FYCO1: variants seen among roughly 807,000 people sequenced by gnomAD.
FYCO1 encodes the protein FYVE and coiled-coil domain autophagy adaptor 1, also known as FYVE and coiled-coil domain-containing protein 1.
Under a neutral mutation model 165.1 loss-of-function variants are expected in FYCO1, and 122 were observed. The observed-to-expected ratio is 0.74, with a 90% CI of 0.64 to 0.86. FYCO1 has a LOEUF of 0.86. Among genes scored for constraint, FYCO1 ranks in the 40% least tolerant of loss-of-function variants. The pLI is 0.00. For synonymous variants in FYCO1, 648 were observed against 742.5 expected (o/e 0.87, Z 2.07); for missense variants, 1,702 against 1,810.3 (o/e 0.94, Z 1.09).
chr3:45,978,293 C>T (rs1413888743), intron 4 of FYCO1, among the ~76,000 whole-genome samples: 2 of 152,180 alleles, frequency 1.3e-5, no homozygotes, highest in Non-Finnish European at 2.9e-5. Context: ...ACAAAGAGAA[C>T]CTCTTCCACA....
Position 45,966,409 on chromosome 3 carries a change from C to A in FYCO1, c.2925G>T (p.Leu975=). 2.5e-6 allele frequency: 4 copies of A among 1,613,490 alleles called. No homozygotes were observed. Among genetic ancestry groups the A allele is most frequent in the Non-Finnish European group, 3.4e-6 (4 of 1,179,496 alleles). Residue 975 remains leucine (L), a synonymous_variant, in exon 8 of 18, where the codon CTG becomes CTT. Coordinates refer to ENST00000296137, the MANE Select transcript of FYCO1 (RefSeq NM_024513.4). ...GGGCGAGCTGGGCCTGCAGGCCAGGCAGTGAGCCGGCTGCTGCCTTGGCCG... is the reference window on the plus strand; with the variant it reads ...GGGCGAGCTGGGCCTGCAGGCCAGGAAGTGAGCCGGCTGCTGCCTTGGCCG... ...LKAAKAAAGS[L]PGLQAQLAQA... is the part of the protein sequence containing the mutation.
rs758505273 is a variant in FYCO1, at chr3:45,959,377, C to A, written c.3587+16G>T. The A allele has an allele frequency of 1.2e-6, 2 of 1,613,620 alleles. No homozygotes were observed. The highest frequency in any genetic ancestry group is 1.3e-5 in the African/African-American group (1 of 74,934). ...CCACCAGGGTGTTGGTGCCAACCCA[C>A]GAGCTCCCTGCTGACCTGCAGTGGT... On this transcript the variant is annotated intron_variant, in intron 12 of 17. Transcript: ENST00000296137.
intron 16 of FYCO1, among the ~76,000 whole-genome samples, chr3:45,929,902 C>T (rs750908502): frequency 2.6e-5 from 4 of 152,160 alleles, no homozygotes; most frequent in East Asian, 3.9e-4. Flanking sequence ...GGGATGCCAG[C>T]GCCACAGCAG....
At chr3:45,933,749 C>T (rs935251532) in intron 15 of FYCO1, among the ~76,000 whole-genome samples, 1 of 152,062 alleles carries the variant, frequency 6.6e-6, no homozygotes, top group Admixed American at 6.6e-5. Context: ...ACTCGTTATC[C>T]TAAGAGCCAG....
chr3:45,966,490 C>T lies in FYCO1; in HGVS notation c.2844G>A (p.Glu948=), dbSNP rs182162227. 44 of 1,611,554 alleles carry T rather than the reference C, an allele frequency of 2.7e-5. No individual in the cohort carries two copies. Among genetic ancestry groups the T allele is most frequent in the Admixed American group, 2.3e-4 (14 of 59,974 alleles). The change falls in exon 8 of 18, where the codon GAG becomes GAA. Residue 948 remains glutamate (E), a synonymous_variant. Coordinates refer to ENST00000296137, the MANE Select transcript of FYCO1 (RefSeq NM_024513.4). ...EAASREREGL[E]RQVAGLQQEK... The stretch of plus-strand genomic sequence containing the variant: ...CTTGCTGCAGCCCAGCTACTTGGCG[C>T]TCCAGGCCCTCTCGCTCCCTTGAGG...
At chr3:45,973,378 T>C in intron 5 of FYCO1, 147 bp from the exon 6 acceptor site, 1 of 754,346 alleles carries the variant, frequency 1.3e-6, no homozygotes, top group Non-Finnish European at 2.3e-6. Context: ...ATTTTCATGG[T>C]AGAAGAACAT....
intron 4 of FYCO1, 59 bp from the exon 5 acceptor site, chr3:45,975,404 C>T (rs1455453073): frequency 3.2e-5 from 41 of 1,295,366 alleles, no homozygotes; most frequent in Non-Finnish European, 3.9e-5. Flanking sequence ...AAATACAGAC[C>T]TGGTCTCATA....
intron 5 of FYCO1, among the ~76,000 whole-genome samples, chr3:45,974,267 G>A (rs780267019): frequency 6.6e-6 from 1 of 152,094 alleles, no homozygotes; most frequent in African/African-American, 2.4e-5. Flanking sequence ...CCAGCTACTC[G>A]AAGGCTGAGG....
intron 14 of FYCO1, among the ~76,000 whole-genome samples, chr3:45,954,129 T>C (rs1164516886): frequency 6.6e-6 from 1 of 152,188 alleles, no homozygotes; most frequent in African/African-American, 2.4e-5. Context: ...TTATCCAACC[T>C]GTGGCCCATA....
chr3:45,979,740 T>C lies in FYCO1; in HGVS notation c.253A>G (p.Asn85Asp). ...GACTTGACAAAGCGGATCCCATCAT[T>C]GGCTCCTTTCACCTTGGCCAGGCAG... ...CACLAKVKGA[N>D]DGIRFVKSIS... Residue 85 changes from asparagine to aspartate, a missense_variant, in exon 4 of 18, where the codon AAT (asparagine) becomes GAT (aspartate). Coordinates refer to ENST00000296137, the MANE Select transcript of FYCO1 (RefSeq NM_024513.4). 2 of 1,614,096 alleles carry C rather than the reference T, an allele frequency of 1.2e-6. No homozygotes were observed. Among genetic ancestry groups the C allele is most frequent in the South Asian group, 2.2e-5 (2 of 91,080 alleles).
Position 45,966,659 on chromosome 3 carries a change from G to T in FYCO1, c.2675C>A (p.Ala892Asp). ...CSSEEAQLEHAELQEQLHRAN... is the reference protein window; with the variant it reads ...CSSEEAQLEHDELQEQLHRAN... ...CCGGTGCAGCTGCTCTTGCAGCTCA[G>T]CGTGCTCCAGCTGTGCTTCCTCGGA... The change falls in exon 8 of 18, where the codon GCT becomes GAT. Residue 892 changes from alanine (A) to aspartate (D), a missense_variant. Ala to Asp is a moderately radical substitution (Grantham distance 126). Coordinates refer to ENST00000296137, the MANE Select transcript of FYCO1 (RefSeq NM_024513.4). 1.2e-6 allele frequency: 2 copies of T among 1,614,124 alleles called. No homozygotes were observed.
In FYCO1 at chr3:45,947,264, T is replaced by C. The variant is rs1553623041; in HGVS notation, c.3944+7985A>G. ...TCCGCAGCACACACTGGGAATACTATGCCATGACCAGCTTTCACTACACCA... is the reference window on the plus strand; with the variant it reads ...TCCGCAGCACACACTGGGAATACTACGCCATGACCAGCTTTCACTACACCA... On this transcript the variant is annotated intron_variant, in intron 14 of 17. Coordinates refer to ENST00000296137, the MANE Select transcript of FYCO1 (RefSeq NM_024513.4). 3.7e-6 allele frequency: 6 copies of C among 1,614,162 alleles called. No homozygotes were observed. In the South Asian group the frequency reaches 6.6e-5, roughly 18 times the overall value.
chr3:45,947,799 A>C, intron 14 of FYCO1: 1 of 398,296 alleles, frequency 2.5e-6, no homozygotes. Context: ...CTATGATCTC[A>C]GGTTCTCCTT....
At chr3:45,923,874 G>T in intron 16 of FYCO1, 109 bp from the exon 17 acceptor site, 1 of 772,582 alleles carries the variant, frequency 1.3e-6, no homozygotes, top group Non-Finnish European at 2.3e-6. Flanking sequence ...TGTTGCCTGA[G>T]GTCACAGATG....
chr3:45,971,718 T>C (rs143466444), intron 6 of FYCO1, among the ~76,000 whole-genome samples: 1 of 152,316 alleles, frequency 6.6e-6, no homozygotes, highest in East Asian at 1.9e-4. Context: ...AGACAAAGAC[T>C]GAAAAACTGT....
intron 1 of FYCO1, among the ~76,000 whole-genome samples, chr3:45,995,351 GC>G (rs1707756024): frequency 6.6e-6 from 1 of 152,248 alleles, no homozygotes; most frequent in South Asian, 2.1e-4. Context: ...GACCACGCAG[GC>G]AGGAACTCCG....
At chr3:45,951,516 C>A (rs1276411092) in intron 14 of FYCO1, among the ~76,000 whole-genome samples, 1 of 152,196 alleles carries the variant, frequency 6.6e-6, no homozygotes, top group African/African-American at 2.4e-5. Flanking sequence ...GCTGAGGGAG[C>A]CACAGCCCAG....
rs1455466214 is a variant in FYCO1 at position 45,958,058 on chromosome 3, A to G, written c.3799+350T>C. ...GACTGAAGGATATGGATGGTTCCAGACACAACTCCTAGCCTTGAGTTACTC... is the reference window on the plus strand; with the variant it reads ...GACTGAAGGATATGGATGGTTCCAGGCACAACTCCTAGCCTTGAGTTACTC... On this transcript the variant is annotated intron_variant, in intron 13 of 17. Transcript: ENST00000296137. 2.0e-5 allele frequency among the ~76,000 whole-genome samples: 3 copies of G among 152,216 alleles called. No individual in the cohort carries two copies. In the East Asian group the frequency reaches 5.8e-4, roughly 29 times the overall value.
At chr3:45,940,453 C>T (rs1222375882) in intron 14 of FYCO1, among the ~76,000 whole-genome samples, 14 of 152,162 alleles carry the variant, frequency 9.2e-5, no homozygotes, top group Admixed American at 9.2e-4. Context: ...AAGGGAAAAA[C>T]ACCTCAAATG....
Sources: allele counts gnomAD v4.1 joint callset (sites outside exome capture counted in the v4.1 genomes callset), GRCh38; gene constraint gnomAD v4.1.1; transcripts MANE v1.5; gene names NCBI Gene and HGNC (gene_info 2026-07-23, HGNC 2026-07-21).